The following SLC25A26 variants were observed in gnomAD, a reference collection of about 807,000 sequenced individuals.
SLC25A26 encodes the protein mitochondrial S-adenosylmethionine carrier protein.
A neutral mutation model predicts 37.8 loss-of-function variants in SLC25A26; 36 were observed. The observed-to-expected ratio is 0.95, with a 90% confidence interval of 0.73 to 1.26. SLC25A26 has a LOEUF of 1.26. Ranked by LOEUF, SLC25A26 falls within the 50% of genes most tolerant of loss-of-function variation. SLC25A26 has a pLI of 0.00. For synonymous variants in SLC25A26, 129 were observed against 122.5 expected (o/e 1.05, Z -0.35); for missense variants, 390 against 331.1 (o/e 1.18, Z -1.38).
chr3:66,253,475 G>A (rs2073176851), intron 3 of SLC25A26, among the ~76,000 whole-genome samples: 1 of 151,934 alleles, frequency 6.6e-6, no homozygotes, highest in African/African-American at 2.4e-5. Flanking sequence ...AATCAGTAGG[G>A]TCCTTAGGAG....
chr3:66,286,852 G>A (rs966491027), intron 5 of SLC25A26, among the ~76,000 whole-genome samples: 1 of 151,944 alleles, frequency 6.6e-6, no homozygotes, highest in Non-Finnish European at 1.5e-5. Context: ...TAATAGAGGC[G>A]GGGTCTCACC....
At position 66,362,263 on chromosome 3, in the gene SLC25A26, A is replaced by G. The variant is rs2076725668; in HGVS notation, c.499-597A>G. ...AAATGTTCATGGTGGCTTTATTTGT[A>G]ATAGCCCCAAACTGGAAAAATCCCA... is the stretch of plus-strand genomic sequence containing the variant. On this transcript the variant is annotated intron_variant, in intron 6 of 9. Transcript: ENST00000354883. 2.6e-5 allele frequency among the ~76,000 whole-genome samples: 4 copies of G among 152,362 alleles called. No individual in the cohort carries two copies. In the South Asian group the frequency reaches 8.3e-4, roughly 32 times the overall value.
chr3:66,174,978 C>T (rs183584980), intron 1 of SLC25A26, among the ~76,000 whole-genome samples: 2 of 151,256 alleles, frequency 1.3e-5, no homozygotes, highest in Non-Finnish European at 2.9e-5. Context: ...AAATGAAGCC[C>T]AACTGGTACA....
At chr3:66,326,746 A>C (rs916752438) in intron 5 of SLC25A26, among the ~76,000 whole-genome samples, 4 of 152,156 alleles carry the variant, frequency 2.6e-5, no homozygotes, top group African/African-American at 7.2e-5. Context: ...TTGAGCCCCA[A>C]ATGTGTTCAT....
chr3:66,370,644 ACTC>A (rs763620325), intron 9 of SLC25A26, 42 bp downstream of exon 9: 8 of 1,514,646 alleles, frequency 5.3e-6, no homozygotes, highest in Admixed American at 3.5e-5. Context: ...CCTCTCCACC[ACTC>A]CTCCTCCTTT....
intron 5 of SLC25A26, among the ~76,000 whole-genome samples, chr3:66,286,952 C>T (rs1308692129): frequency 6.6e-6 from 1 of 152,024 alleles, no homozygotes; most frequent in African/African-American, 2.4e-5. Context: ...CATGAGCCAC[C>T]GTGCCTGGCC....
intron 1 of SLC25A26, among the ~76,000 whole-genome samples, chr3:66,187,333 A>T (rs2070847951): frequency 4.0e-5 from 6 of 151,680 alleles, no homozygotes; most frequent in Admixed American, 2.0e-4. Flanking sequence ...TCGTATACTC[A>T]CCCAGGCCTC....
At chr3:66,373,783 A>C (rs1048770725) in intron 9 of SLC25A26, among the ~76,000 whole-genome samples, 5 of 151,374 alleles carry the variant, frequency 3.3e-5, no homozygotes, top group Non-Finnish European at 7.4e-5. Context: ...TATTGTAATG[A>C]TTTAAACCCA....
chr3:66,147,132 C>G (rs1287129850), intron 1 of SLC25A26, among the ~76,000 whole-genome samples: 1 of 98,166 alleles, frequency 1.0e-5, no homozygotes, highest in Non-Finnish European at 2.1e-5. Flanking sequence ...CCCTCCCTTC[C>G]CCTGCCCTCC....
At chr3:66,232,265 A>G (rs1277360921) in intron 1 of SLC25A26, among the ~76,000 whole-genome samples, 1 of 152,200 alleles carries the variant, frequency 6.6e-6, no homozygotes, top group Non-Finnish European at 1.5e-5. Flanking sequence ...TTTTTATTTG[A>G]TAATGACAGA....
intron 5 of SLC25A26, among the ~76,000 whole-genome samples, chr3:66,284,767 G>A (rs1212772771): frequency 1.3e-5 from 2 of 152,172 alleles, no homozygotes; most frequent in African/African-American, 4.8e-5. Flanking sequence ...TTCAAATGGT[G>A]CAGCAAATAT....
At chr3:66,221,278 C>G (rs781813733) in intron 1 of SLC25A26, 151 bp downstream of exon 1, 21 of 384,140 alleles carry the variant, frequency 5.5e-5, no homozygotes, top group Non-Finnish European at 1.8e-5. Flanking sequence ...GCACGAGGCT[C>G]CCAGGCCACC....
upstream of SLC25A26, among the ~76,000 whole-genome samples, chr3:66,218,968 G>A (rs1258463753): frequency 6.6e-6 from 1 of 152,210 alleles, no homozygotes; most frequent in Non-Finnish European, 1.5e-5. Context: ...CTTGATTCTT[G>A]ACGTATGAAA....
At chr3:66,309,659 C>T (rs993183067) in intron 5 of SLC25A26, among the ~76,000 whole-genome samples, 1 of 152,162 alleles carries the variant, frequency 6.6e-6, no homozygotes, top group Admixed American at 6.5e-5. Context: ...AAATTTCCCT[C>T]TAAACACTGC....
At chr3:66,344,214 TAAC>T (rs940961444) in intron 5 of SLC25A26, among the ~76,000 whole-genome samples, 2 of 152,082 alleles carry the variant, frequency 1.3e-5, no homozygotes, top group African/African-American at 4.8e-5. Context: ...ATTTAGGAAA[TAAC>T]AATACCAGGC....
At chr3:66,209,841 T>G (rs1458667926) in intron 1 of SLC25A26, among the ~76,000 whole-genome samples, 2 of 125,476 alleles carry the variant, frequency 1.6e-5, no homozygotes, top group Non-Finnish European at 3.3e-5. Context: ...ACCTTATATA[T>G]AGAGAGAGGT....
At chr3:66,262,977 A>G (rs1331070701) in intron 4 of SLC25A26, among the ~76,000 whole-genome samples, 3 of 152,216 alleles carry the variant, frequency 2.0e-5, no homozygotes, top group African/African-American at 2.4e-5. Flanking sequence ...AGCATCTCAA[A>G]TGTTCTTTTC....
intron 1 of SLC25A26, among the ~76,000 whole-genome samples, chr3:66,147,242 C>A (rs1174654550): frequency 6.6e-6 from 1 of 151,216 alleles, no homozygotes; most frequent in Non-Finnish European, 1.5e-5. Flanking sequence ...CAGCTCACTG[C>A]AACCTCAACC....
chr3:66,156,651 T>C (rs563348305), intron 1 of SLC25A26, among the ~76,000 whole-genome samples: 96 of 152,300 alleles, frequency 6.3e-4, no homozygotes, highest in African/African-American at 2.1e-3. Flanking sequence ...ACTATCTATC[T>C]TGGGACTGGA....
Sources: gnomAD v4.1 joint callset for allele counts (sites outside exome capture counted in the v4.1 genomes callset) on GRCh38, gnomAD v4.1.1 for gene constraint, MANE v1.5 for transcripts, NCBI Gene and HGNC (gene_info 2026-07-23, HGNC 2026-07-21) for gene names.